HSP90AA1: variants seen among roughly 807,000 people sequenced by gnomAD.
The protein encoded by HSP90AA1 is heat shock protein 90 alpha family class A member 1, also known as heat shock protein HSP 90-alpha.
A neutral mutation model predicts 73.3 loss-of-function variants in HSP90AA1; 18 were observed. The observed-to-expected ratio is 0.25, with a 90% CI of 0.17 to 0.36. The LOEUF (loss-of-function observed/expected upper bound fraction) is 0.36. Ranked by LOEUF, HSP90AA1 falls within the 10% of genes least tolerant of loss-of-function variation. The pLI, the probability that HSP90AA1 is intolerant of heterozygous loss-of-function variation, is 1.00. For synonymous variants in HSP90AA1, 477 were observed against 296.9 expected, an observed-to-expected ratio of 1.61 and a Z score of -6.24; for missense variants, 704 against 874.2, an observed-to-expected ratio of 0.81 and a Z score of 2.45.
Position 102,119,087 on chromosome 14 carries a change from TCAAGCGATC to T in HSP90AA1, c.156-17011_156-17003del, listed in dbSNP as rs541982474. On this transcript the variant is annotated intron_variant, in intron 1 of 11. Transcript: ENST00000334701. ...CCATGCTGGTTTCAAACTCCTGAGC[TCAAGCGATC>T]CACCCTCCTCGCCTCCCAAAGAGCT... 5.9e-5 allele frequency among the ~76,000 whole-genome samples: 9 copies of T among 152,164 alleles called. No individual in the cohort carries two copies. In the South Asian group the frequency reaches 1.9e-3, roughly 32 times the overall value.
rs143878290 is a variant in HSP90AA1, at chr14:102,099,155, A to C, written c.366+2720T>G. ...CTAAGGGATATATAATAGCCAACTA[A>C]AAAAATTTCTAAGCTACTTCATAAT... On this transcript the variant is annotated intron_variant, in intron 2 of 11. Transcript: ENST00000334701. Among the ~76,000 whole-genome samples the C allele has an allele frequency of 2.7e-3, 413 of 152,354 alleles. 1 individual carries two copies. The highest frequency in any genetic ancestry group is 9.4e-3 in the African/African-American group (392 of 41,576).
intron 2 of HSP90AA1, among the ~76,000 whole-genome samples, chr14:102,095,056 A>G (rs573525281): frequency 1.3e-5 from 2 of 152,308 alleles, no homozygotes; most frequent in Non-Finnish European, 2.9e-5. Flanking sequence ...ACCCTTGCCA[A>G]TGGTTCAGTG....
At chr14:102,137,113 CT>C (rs2050010439) in intron 1 of HSP90AA1, among the ~76,000 whole-genome samples, 1 of 151,724 alleles carries the variant, frequency 6.6e-6, no homozygotes, top group Non-Finnish European at 1.5e-5. Context: ...ATTCGGGAGA[CT>C]GGGGCAGGAG....
chr14:102,125,670 TAAGAA>T (rs36228807), intron 1 of HSP90AA1, among the ~76,000 whole-genome samples: 10,727 of 152,162 alleles, frequency 0.07, 776 homozygotes, highest in African/African-American at 0.18. Context: ...GGGGAAGGTA[TAAGAA>T]AAGAAAGCAT....
chr14:102,107,146 T>C (rs1372888434), intron 1 of HSP90AA1, among the ~76,000 whole-genome samples: 1 of 151,984 alleles, frequency 6.6e-6, no homozygotes, highest in Non-Finnish European at 1.5e-5. Context: ...ACTAAGCCTA[T>C]GGCCAGTTCC....
chr14:102,084,283 T>G, intron 6 of HSP90AA1, 116 bp downstream of exon 6: 1 of 938,258 alleles, frequency 1.1e-6, no homozygotes, highest in East Asian at 2.4e-5. Context: ...TGACCTCAAG[T>G]GATCTGCCCA....
At position 102,135,269 on chromosome 14, in the gene HSP90AA1, T is replaced by C. The variant is rs2049974366; in HGVS notation, c.155+3981A>G. ...GAGCTAAACACAGGGTGCTGATTGG[T>C]GTGTTTACAAACCTTGAGCTAGATA... On this transcript the variant is annotated intron_variant, in intron 1 of 11. Transcript: ENST00000334701. Among the ~76,000 whole-genome samples, 4 of 151,046 alleles carry C rather than the reference T, an allele frequency of 2.6e-5. No individual in the cohort carries two copies. In the South Asian group the frequency reaches 8.3e-4, roughly 31 times the overall value.
At chr14:102,091,145 A>G (rs2049352807), upstream of HSP90AA1, among the ~76,000 whole-genome samples, 1 of 152,184 alleles carries the variant, frequency 6.6e-6, no homozygotes, top group Non-Finnish European at 1.5e-5. Context: ...GCCAGGCAGC[A>G]GGCTAGCTAC....
intron 1 of HSP90AA1, among the ~76,000 whole-genome samples, chr14:102,110,334 C>T (rs1009381384): frequency 6.6e-6 from 1 of 152,178 alleles, no homozygotes; most frequent in African/African-American, 2.4e-5. Context: ...TTTAGGGTAC[C>T]TGGTGGAAGA....
At chr14:102,085,259 A>G (rs770706447) in intron 4 of HSP90AA1, 39 bp downstream of exon 4, 1 of 1,597,386 alleles carries the variant, frequency 6.3e-7, no homozygotes, top group African/African-American at 1.3e-5. Context: ...CCAATCACCT[A>G]CAGACAGAAA....
At chr14:102,082,880 A>C (rs1335541579) in intron 9 of HSP90AA1, 154 bp downstream of exon 9, 132 of 766,920 alleles carry the variant, frequency 1.7e-4, no homozygotes, top group Non-Finnish European at 1.4e-5. Context: ...CAGCCTCCCA[A>C]AGTGCTGGGA....
Position 102,086,896 on chromosome 14 carries a change from G to A in HSP90AA1, c.-1+90C>T, listed in dbSNP as rs1013452171. The stretch of plus-strand genomic sequence containing the variant: ...GCGGCCCTGGCTGCTTCAGGGATCT[G>A]GTCCGGCCCCCACAGCCTCCGCCCC... On this transcript the variant is annotated intron_variant, in intron 1 of 10. Transcript: ENST00000216281. 1.3e-5 allele frequency: 10 copies of A among 760,488 alleles called. No homozygotes were observed. The African/African-American group carries it at 1.9e-4, about 14-fold the overall frequency. The allele number at this position is 760,488 out of a possible 1,614,324, so 47.1% of individuals were successfully genotyped here.
At chr14:102,129,862 G>C (rs1177796224) in intron 1 of HSP90AA1, among the ~76,000 whole-genome samples, 1 of 151,952 alleles carries the variant, frequency 6.6e-6, no homozygotes, top group Non-Finnish European at 1.5e-5. Flanking sequence ...ACCACATTTT[G>C]TTTATCCATT....
intron 1 of HSP90AA1, among the ~76,000 whole-genome samples, chr14:102,128,410 C>A (rs1482687870): frequency 1.3e-5 from 2 of 151,846 alleles, no homozygotes; most frequent in African/African-American, 2.4e-5. Context: ...GGTGGATCAC[C>A]TGAGGTCAGG....
chr14:102,104,641 T>C (rs1032948843), intron 1 of HSP90AA1, among the ~76,000 whole-genome samples: 2 of 152,186 alleles, frequency 1.3e-5, no homozygotes, highest in African/African-American at 4.8e-5. Context: ...TTTTGAGACA[T>C]ATAAATTATT....
At chr14:102,089,380 T>G (rs1233018373), upstream of HSP90AA1, among the ~76,000 whole-genome samples, 1 of 152,204 alleles carries the variant, frequency 6.6e-6, no homozygotes, top group African/African-American at 2.4e-5. Flanking sequence ...CCACAACTTC[T>G]TGTCTTTCCA....
intron 1 of HSP90AA1, among the ~76,000 whole-genome samples, chr14:102,136,391 A>C (rs989112364): frequency 1.3e-5 from 2 of 150,966 alleles, no homozygotes; most frequent in African/African-American, 4.9e-5. Context: ...ACATGGCGAA[A>C]CCCCGTCTCT....
At chr14:102,109,839 C>A (rs542885367) in intron 1 of HSP90AA1, among the ~76,000 whole-genome samples, 3 of 152,230 alleles carry the variant, frequency 2.0e-5, no homozygotes, top group African/African-American at 7.2e-5. Flanking sequence ...TGGCTTTGAC[C>A]AAAATGCCGA....
In HSP90AA1 at chr14:102,084,478, C is replaced by T. The variant is rs752927561; in HGVS notation, c.1068G>A (p.Lys356=). Residue 356 remains lysine (K), a synonymous_variant, in exon 6 of 11, where the codon AAG becomes AAA. Coordinates refer to ENST00000216281, the MANE Select transcript of HSP90AA1 (RefSeq NM_005348.4). ...CATACAATTTGATGTTGTTCTTTTT[C>T]TTTCTGTTTTCAAACAGATCAAAAG... is the stretch of plus-strand genomic sequence containing the variant. ...RAPFDLFENR[K]KKNNIKLYVR... is the part of the protein sequence containing the mutation. The T allele has an allele frequency of 6.2e-7, 1 of 1,613,790 alleles. No homozygotes were observed. Among genetic ancestry groups the T allele is most frequent in the Non-Finnish European group, 8.5e-7 (1 of 1,179,676 alleles).
Sources: allele counts gnomAD v4.1 joint callset (sites outside exome capture counted in the v4.1 genomes callset), GRCh38; gene constraint gnomAD v4.1.1; transcripts MANE v1.5; gene names NCBI Gene and HGNC (gene_info 2026-07-23, HGNC 2026-07-21).